ZFYVE26: variants seen among roughly 807,000 people sequenced by gnomAD.
The protein encoded by ZFYVE26 is zinc finger FYVE-type containing 26, also known as zinc finger FYVE domain-containing protein 26.
In ZFYVE26, 181 loss-of-function variants were observed where a neutral mutation model predicts 276.5. The observed-to-expected ratio is 0.65, with a 90% confidence interval of 0.58 to 0.74. The LOEUF (loss-of-function observed/expected upper bound fraction) is 0.74, where lower values mean the gene tolerates loss of function less well. Among genes scored for constraint, ZFYVE26 ranks in the 30% least tolerant of loss-of-function variants. The pLI, the probability that ZFYVE26 is intolerant of heterozygous loss-of-function variation, is 0.00. For synonymous variants in ZFYVE26, 1,129 were observed against 1,203.1 expected (o/e 0.94, Z 1.27); for missense variants, 2,821 against 3,097.9 (o/e 0.91, Z 2.12).
Position 67,805,311 on chromosome 14 carries a change from T to C in ZFYVE26, c.1183-6A>G. 6.2e-7 allele frequency: 1 copy of C among 1,614,098 alleles called. No individual in the cohort carries two copies. The highest frequency in any genetic ancestry group is 8.5e-7 in the Non-Finnish European group (1 of 1,179,988). ...AGCTCATCACAGCCTGGGCCCTATGTTGATATGGGAGAAGAAAGAGATGCT... is the reference window on the plus strand; with the variant it reads ...AGCTCATCACAGCCTGGGCCCTATGCTGATATGGGAGAAGAAAGAGATGCT... On this transcript the variant is annotated splice_polypyrimidine_tract_variant and splice_region_variant and intron_variant, in intron 7 of 41. Transcript: ENST00000347230.
Position 67,771,944 on chromosome 14 carries a change from G to A in ZFYVE26, c.5484+103C>T, listed in dbSNP as rs971713448. 1.3e-5 allele frequency: 19 copies of A among 1,451,496 alleles called. 1 individual carries two copies. The highest frequency in any genetic ancestry group is 4.8e-4 in the Middle Eastern group (2 of 4,194). 89.9% of individuals were successfully genotyped at this position (1,451,496 alleles called of 1,614,324 possible). ...TAGATTTGGCAGTTCTGAAAATACCGATATTCTCCTGGGGACAGGCGGTGA... is the reference window on the plus strand; with the variant it reads ...TAGATTTGGCAGTTCTGAAAATACCAATATTCTCCTGGGGACAGGCGGTGA... On this transcript the variant is annotated intron_variant, in intron 28 of 41. Transcript: ENST00000347230.
intron 35 of ZFYVE26, chr14:67,760,818 C>G (rs184674189): frequency 7.4e-5 from 14 of 190,110 alleles, no homozygotes; most frequent in African/African-American, 1.4e-4. Context: ...TTCAGTGGTG[C>G]CTTTGCTTCC....
intron 4 of ZFYVE26, among the ~76,000 whole-genome samples, chr14:67,808,212 G>A (rs929920368): frequency 1.3e-5 from 2 of 152,146 alleles, no homozygotes; most frequent in South Asian, 4.1e-4. Context: ...CCATGCTCCA[G>A]CTAGTCCCAC....
chr14:67,744,409 AT>A (rs2038455905), downstream of ZFYVE26, among the ~76,000 whole-genome samples: 1 of 151,832 alleles, frequency 6.6e-6, no homozygotes, highest in Non-Finnish European at 1.5e-5. Context: ...TTTATTTATT[AT>A]TTATTTTACT....
chr14:67,794,653 G>A (rs1424086191), intron 12 of ZFYVE26, among the ~76,000 whole-genome samples: 1 of 152,200 alleles, frequency 6.6e-6, no homozygotes, highest in Non-Finnish European at 1.5e-5. Context: ...ACTTGAAAAG[G>A]CAGACAACTG....
intron 35 of ZFYVE26, chr14:67,760,841 G>A: frequency 5.2e-6 from 1 of 192,816 alleles, no homozygotes; most frequent in Non-Finnish European, 1.1e-5. Context: ...TGGGAGGGGG[G>A]CAGAGGATGG....
exon 14 of ZFYVE26, chr14:67,729,450 C>T: frequency 6.8e-7 from 1 of 1,475,618 alleles, no homozygotes; most frequent in Non-Finnish European, 9.3e-7. Flanking sequence ...CTGGGCTGTT[C>T]ATCCTGAGAA....
Position 67,783,020 on chromosome 14 carries a change from G to C in ZFYVE26, c.4132C>G (p.Arg1378Gly). The change falls in exon 21 of 42, where the codon CGA becomes GGA. Residue 1378 changes from arginine (R) to glycine (G), a missense_variant. By Grantham distance (125) the Arg-to-Gly change is moderately radical (BLOSUM62 -2). Transcript: ENST00000347230. ...CTCTGCCCCTGCTGCAAAGACCCTC[G>C]CAGGGGCTCCCAGGCAGCCAGGAGG... ...AFLLAAWEPL[R>G]GSLQQGQSLA... The C allele has an allele frequency of 2.5e-6, 4 of 1,614,132 alleles. No homozygotes were observed. The highest frequency in any genetic ancestry group is 3.4e-6 in the Non-Finnish European group (4 of 1,180,012).
Position 67,768,556 on chromosome 14 carries a change from C to T in ZFYVE26, c.5622-8G>A, listed in dbSNP as rs768215819. 1.5e-5 allele frequency: 24 copies of T among 1,613,916 alleles called. No individual in the cohort carries two copies. The highest frequency in any genetic ancestry group is 1.9e-5 in the Non-Finnish European group (23 of 1,179,954). On this transcript the variant is annotated splice_region_variant and splice_polypyrimidine_tract_variant and intron_variant, in intron 29 of 41. Coordinates refer to ENST00000347230, the MANE Select transcript of ZFYVE26 (RefSeq NM_015346.4). ...GAAGGCTCCTCTGGTACACTGAAAACAGAGAAAGAAAAATTATTAAATAAA... is the reference window on the plus strand; with the variant it reads ...GAAGGCTCCTCTGGTACACTGAAAATAGAGAAAGAAAAATTATTAAATAAA...
At chr14:67,737,702 A>G (rs1456612505) in intron 13 of ZFYVE26, among the ~76,000 whole-genome samples, 4 of 152,210 alleles carry the variant, frequency 2.6e-5, no homozygotes, top group Non-Finnish European at 5.9e-5. Flanking sequence ...GATAATATGT[A>G]TCACACAAAA....
chr14:67,761,731 T>C, intron 34 of ZFYVE26, 147 bp from the exon 35 acceptor site: 1 of 692,540 alleles, frequency 1.4e-6, no homozygotes, highest in Non-Finnish European at 2.6e-6. Context: ...GTTGTGCACA[T>C]GTACCCTAGA....
rs568328467 is a variant in ZFYVE26, at chr14:67,764,312, T to C, written c.6012-1493A>G. On this transcript the variant is annotated intron_variant, in intron 32 of 41. Transcript: ENST00000347230. ...TGTAGGGATGGGGGAGAGGAAAGTA[T>C]AGTGTATAAGAGCATCGGCACTCAT... Among the ~76,000 whole-genome samples the C allele has an allele frequency of 5.3e-5, 8 of 152,296 alleles. No homozygotes were observed. The South Asian group carries it at 6.2e-4, about 12-fold the overall frequency.
At chr14:67,732,576 T>C (rs1398689693) in intron 13 of ZFYVE26, among the ~76,000 whole-genome samples, 3 of 147,054 alleles carry the variant, frequency 2.0e-5, no homozygotes, top group South Asian at 4.5e-4. Context: ...AACTAAATGA[T>C]AGACTTTTCT....
rs138543433 is a variant in ZFYVE26 at position 67,781,501 on chromosome 14, G to A, written c.4401C>T (p.Pro1467=). 1,433 of 1,614,092 alleles carry A rather than the reference G, an allele frequency of 8.9e-4. 5 individuals carry two copies. The highest frequency in any genetic ancestry group is 6.0e-4 in the Non-Finnish European group (707 of 1,180,024). ...GACTTCTCAGAGATGCATCCTTCAC[G>A]GGAAACAGGTATTGCCAACCTTCTT... The part of the protein sequence containing the change: ...CDKEGWQYLF[P]VKDASLRSRL... Residue 1467 remains proline (P), a synonymous_variant, in exon 22 of 42, where the codon CCC becomes CCT. Coordinates refer to ENST00000347230, the MANE Select transcript of ZFYVE26 (RefSeq NM_015346.4).
At chr14:67,803,467 G>A (rs369858230) in intron 9 of ZFYVE26, among the ~76,000 whole-genome samples, 4 of 151,942 alleles carry the variant, frequency 2.6e-5, no homozygotes, top group African/African-American at 4.8e-5. Context: ...TCAGCCTCCC[G>A]TGTAGCTGGG....
intron 9 of ZFYVE26, among the ~76,000 whole-genome samples, chr14:67,803,603 A>G (rs2040120646): frequency 6.6e-6 from 1 of 152,152 alleles, no homozygotes; most frequent in Non-Finnish European, 1.5e-5. Flanking sequence ...TCGGCCTCCC[A>G]AAGTGCTGGG....
intron 40 of ZFYVE26, 109 bp from the exon 41 acceptor site, chr14:67,751,205 C>A: frequency 7.7e-7 from 1 of 1,300,538 alleles, no homozygotes; most frequent in East Asian, 2.3e-5. Context: ...ATGAAAATGT[C>A]TGCCTGACTT....
At chr14:67,757,652 T>C (rs755834980) in intron 35 of ZFYVE26, among the ~76,000 whole-genome samples, 1 of 22,338 alleles carries the variant, frequency 4.5e-5, no homozygotes, top group African/African-American at 1.1e-4. Flanking sequence ...CTTTCTTTCT[T>C]TCTTTCTTTC....
chr14:67,736,781 A>G (rs928091886), intron 13 of ZFYVE26, among the ~76,000 whole-genome samples: 5 of 152,138 alleles, frequency 3.3e-5, no homozygotes, highest in African/African-American at 1.2e-4. Flanking sequence ...GACTGTTAGG[A>G]TTGGTATCTA....
Sources: allele counts gnomAD v4.1 joint callset (sites outside exome capture counted in the v4.1 genomes callset), GRCh38; gene constraint gnomAD v4.1.1; transcripts MANE v1.5; gene names NCBI Gene and HGNC (gene_info 2026-07-23, HGNC 2026-07-21).